The following APOL4 variants were observed in gnomAD, a reference collection of about 807,000 sequenced individuals.
The protein encoded by APOL4 is apolipoprotein L, 4.
In APOL4, 14 loss-of-function variants were observed where a neutral mutation model predicts 12.1. The observed-to-expected ratio is 1.16, with a 90% confidence interval of 0.76 to 1.81. The LOEUF (loss-of-function observed/expected upper bound fraction) is 1.81. APOL4 is among the 40% of genes most tolerant of loss of function. The probability of loss-of-function intolerance (pLI) is 0.00; values close to 1 mark genes in which losing one functional copy is unlikely to be tolerated. For missense variants in APOL4, 432 were observed against 423.1 expected (o/e 1.02, Z -0.18); for synonymous variants, 171 against 160.6 (o/e 1.06, Z -0.49).
chr22:36,203,247 A>G (rs930361722), upstream of APOL4, among the ~76,000 whole-genome samples: 2 of 152,202 alleles, frequency 1.3e-5, no homozygotes, highest in African/African-American at 4.8e-5. Flanking sequence ...AAGATAGTGA[A>G]AGCTGGGTCC....
chr22:36,201,625 A>G, intron 1 of APOL4, 75 bp downstream of exon 1: 4 of 912,130 alleles, frequency 4.4e-6, no homozygotes, highest in Non-Finnish European at 4.4e-6. Flanking sequence ...TCTCAACACC[A>G]TGAGCCAGTA....
chr22:36,201,298 C>A (rs2014565070), intron 1 of APOL4, among the ~76,000 whole-genome samples: 1 of 149,978 alleles, frequency 6.7e-6, no homozygotes, highest in Non-Finnish European at 1.5e-5. Context: ...TTTAACAGCT[C>A]AGTGGTTCCC....
Position 36,195,359 on chromosome 22 carries a change from G to C in APOL4, c.161C>G (p.Thr54Ser), listed in dbSNP as rs756057959. ...VSPVHLKILLTSDEAWKRFVR... is the reference protein window; with the variant it reads ...VSPVHLKILLSSDEAWKRFVR... ...AAATCTCTTCCAGGCTTCATCGCTA[G>C]TCAGCAGGATTTTCAGATGCACTGG... The change falls in exon 3 of 4, where the codon ACT becomes AGT. Residue 54 changes from threonine (T) to serine (S), a missense_variant. Transcript: ENST00000683024. 4.3e-6 allele frequency: 7 copies of C among 1,613,766 alleles called. No homozygotes were observed. In the African/African-American group the frequency reaches 8.0e-5, roughly 18 times the overall value.
At chr22:36,200,234 T>G (rs2014532538) in intron 1 of APOL4, among the ~76,000 whole-genome samples, 1 of 152,242 alleles carries the variant, frequency 6.6e-6, no homozygotes, top group Non-Finnish European at 1.5e-5. Context: ...GTGTTTTCTA[T>G]TGCTAGAGCC....
chr22:36,202,039 C>G (rs368968752), upstream of APOL4: 47 of 1,613,948 alleles, frequency 2.9e-5, no homozygotes, highest in Non-Finnish European at 2.5e-5. Flanking sequence ...CCCTCCATGT[C>G]GCTGCGGGGC....
Position 36,201,742 on chromosome 22 carries a change from G to A in APOL4, c.-8C>T, listed in dbSNP as rs750601359. The A allele has an allele frequency of 1.2e-6, 2 of 1,605,932 alleles. No individual in the cohort carries two copies. Among genetic ancestry groups the A allele is most frequent in the Admixed American group, 1.7e-5 (1 of 58,848 alleles). On this transcript the variant is annotated 5_prime_UTR_variant, in exon 1 of 4. Coordinates refer to ENST00000683024, the MANE Select transcript of APOL4 (RefSeq NM_001386885.1). ...CTGCACCCAGGATCCCATCCTCCTT[G>A]GTCATTGTTGGCCTGGCTCAGACGC...
Position 36,191,221 on chromosome 22 carries a change from C to G in APOL4, c.901G>C (p.Asp301His). The change falls in exon 4 of 4, where the codon GAT (aspartate) becomes CAT (histidine). Residue 301 changes from aspartate (D) to histidine (H), a missense_variant. Asp to His is a moderately conservative substitution (Grantham distance 81). Coordinates refer to ENST00000683024, the MANE Select transcript of APOL4 (RefSeq NM_001386885.1). Reference sequence around the variant, plus strand: ...GAGTCTTGCACAAGGTTGACTACATCCAGCACAACAAGGACACCTGAAGTG... The same window carrying G: ...GAGTCTTGCACAAGGTTGACTACATGCAGCACAACAAGGACACCTGAAGTG... ...KATSGVLVVL[D>H]VVNLVQDSLD... 6.2e-7 allele frequency: 1 copy of G among 1,613,994 alleles called. No individual in the cohort carries two copies. The highest frequency in any genetic ancestry group is 8.5e-7 in the Non-Finnish European group (1 of 1,179,882).
rs549426018 is a variant in APOL4 at position 36,191,337 on chromosome 22, C to T, written c.785G>A (p.Arg262Gln). The part of the protein sequence containing the change: ...ATVGRPLIAW[R>Q]YVPINVVETL... ...CTCAACAACATTTATAGGTACATAT[C>T]GCCAAGCAATCAAAGGGCGTCCAAC... is the stretch of plus-strand genomic sequence containing the variant. The change falls in exon 4 of 4, where the codon CGA (arginine) becomes CAA (glutamine). Residue 262 changes from arginine (R) to glutamine (Q), a missense_variant. Physicochemically the swap from Arg to Gln is conservative, Grantham distance 43. Coordinates refer to ENST00000683024, the MANE Select transcript of APOL4 (RefSeq NM_001386885.1). 111 of 1,614,056 alleles carry T rather than the reference C, an allele frequency of 6.9e-5. No individual in the cohort carries two copies. In the South Asian group the frequency reaches 1.0e-3, roughly 15 times the overall value.
Position 36,189,211 on chromosome 22 carries a change from A to G in APOL4, c.*1864T>C, listed in dbSNP as rs1326649831. 1 of 152,210 alleles carries G rather than the reference A, an allele frequency of 6.6e-6. No individual in the cohort carries two copies. The highest frequency in any genetic ancestry group is 2.4e-5 in the African/African-American group (1 of 41,444). 9.4% of individuals were successfully genotyped at this position (152,210 alleles called of 1,614,324 possible). A position where few individuals can be genotyped will look rare whatever the true frequency, so the allele number is the denominator to read the frequency against. ...AGAGATCCAGCCTCCCCCAATGTCT[A>G]AACTGCTTTTCAGTTAATTTTCTGG... is the stretch of plus-strand genomic sequence containing the variant. On this transcript the variant is annotated 3_prime_UTR_variant, in exon 4 of 4. Transcript: ENST00000683024.
intron 2 of APOL4, chr22:36,197,810 G>T (rs1418625960): frequency 2.6e-6 from 4 of 1,549,504 alleles, no homozygotes; most frequent in Non-Finnish European, 3.5e-6. Context: ...GGGACAGGGG[G>T]AGGGGATGGG....
intron 2 of APOL4, among the ~76,000 whole-genome samples, chr22:36,195,873 C>T (rs1351979247): frequency 6.6e-6 from 1 of 151,954 alleles, no homozygotes; most frequent in South Asian, 2.1e-4. Flanking sequence ...AAGCCAGGAG[C>T]AGAGCCCTCC....
At chr22:36,200,484 C>T (rs539564890) in intron 1 of APOL4, among the ~76,000 whole-genome samples, 239 of 152,342 alleles carry the variant, frequency 1.6e-3, no homozygotes, top group Middle Eastern at 3.4e-3. Context: ...CAGATGCCGG[C>T]CTAGCCCCTG....
At chr22:36,194,103 T>C (rs1034313571) in intron 3 of APOL4, among the ~76,000 whole-genome samples, 7 of 152,302 alleles carry the variant, frequency 4.6e-5, no homozygotes, top group South Asian at 4.1e-4. Context: ...TTCTCTTTGG[T>C]TGGGGACTTG....
chr22:36,200,563 A>G (rs2014541338), intron 1 of APOL4, among the ~76,000 whole-genome samples: 1 of 152,216 alleles, frequency 6.6e-6, no homozygotes, highest in Non-Finnish European at 1.5e-5. Flanking sequence ...GATGGACCTT[A>G]GGGTGTTTCT....
At position 36,190,860 on chromosome 22, in the gene APOL4, A is replaced by G. The variant is rs2014222449; in HGVS notation, c.*215T>C. 3 of 558,574 alleles carry G rather than the reference A, an allele frequency of 5.4e-6. No homozygotes were observed. The highest frequency in any genetic ancestry group is 9.5e-6 in the Non-Finnish European group (3 of 315,814). 34.6% of individuals were successfully genotyped at this position (558,574 alleles called of 1,614,324 possible). On this transcript the variant is annotated 3_prime_UTR_variant, in exon 4 of 4. Transcript: ENST00000683024. Reference sequence around the variant, plus strand: ...GATTAAAGTAAAGACAGGCATAAGAAATCACAAGGGTATTGATTGGGGAAG... The same window carrying G: ...GATTAAAGTAAAGACAGGCATAAGAGATCACAAGGGTATTGATTGGGGAAG...
intron 1 of APOL4, among the ~76,000 whole-genome samples, chr22:36,200,998 G>A (rs1315809509): frequency 6.6e-6 from 1 of 152,200 alleles, no homozygotes; most frequent in Non-Finnish European, 1.5e-5. Flanking sequence ...GGGTACAACT[G>A]AGGGTATAAG....
Position 36,191,856 on chromosome 22 carries a change from A to G in APOL4, c.266T>C (p.Ile89Thr). 1 of 1,612,790 alleles carries G rather than the reference A, an allele frequency of 6.2e-7. No individual in the cohort carries two copies. The highest frequency in any genetic ancestry group is 8.5e-7 in the Non-Finnish European group (1 of 1,179,918). ...TTTTTGCTGCATGTCTTTGTCCTCA[A>G]TAGCCACATATGGTGTAAGATTCTT... is the stretch of plus-strand genomic sequence containing the variant. ...ALKNLTPYVA[I>T]EDKDMQQKEQ... The change falls in exon 4 of 4, where the codon ATT becomes ACT. Residue 89 changes from isoleucine to threonine, a missense_variant. Transcript: ENST00000683024.
upstream of APOL4, among the ~76,000 whole-genome samples, chr22:36,203,488 T>C (rs932268967): frequency 6.5e-4 from 99 of 152,290 alleles, no homozygotes; most frequent in African/African-American, 2.4e-3. Context: ...ATATAGTGTG[T>C]GCGTCAGTAA....
In APOL4 at chr22:36,191,678, G is replaced by A. The variant is rs915017970; in HGVS notation, c.444C>T (p.Gly148=). 7.4e-6 allele frequency: 12 copies of A among 1,614,056 alleles called. No individual in the cohort carries two copies. Among genetic ancestry groups the A allele is most frequent in the Non-Finnish European group, 1.0e-5 (12 of 1,179,900 alleles). ...ACATAACGCCAATGACAGACAGGAT[G>A]CCAGTGGAGCCAGACACCACATTGG... ...VIANVVSGST[G]ILSVIGVMLA... is the part of the protein sequence containing the mutation. Residue 148 remains glycine (G), a synonymous_variant, in exon 4 of 4, where the codon GGC becomes GGT. Coordinates refer to ENST00000683024, the MANE Select transcript of APOL4 (RefSeq NM_001386885.1).
Sources: allele counts gnomAD v4.1 joint callset (sites outside exome capture counted in the v4.1 genomes callset), GRCh38; gene constraint gnomAD v4.1.1; transcripts MANE v1.5; gene names NCBI Gene and HGNC (gene_info 2026-07-23, HGNC 2026-07-21).